ARHGEF4: variants seen among roughly 807,000 people sequenced by gnomAD.
ARHGEF4 encodes APC-stimulated guanine nucleotide exchange factor 1.
Under a neutral mutation model 162.0 loss-of-function variants are expected in ARHGEF4, and 119 were observed. That is an observed-to-expected ratio of 0.73 (90% CI 0.63 to 0.86). The LOEUF (loss-of-function observed/expected upper bound fraction) is 0.86. Among genes scored for constraint, ARHGEF4 ranks in the 40% least tolerant of loss-of-function variants. The pLI is 0.00. For missense variants in ARHGEF4, 2,488 were observed against 2,456.0 expected, an observed-to-expected ratio of 1.01 and a Z score of -0.28; for synonymous variants, 1,014 against 979.9, an observed-to-expected ratio of 1.03 and a Z score of -0.65.
At chr2:130,971,746 C>G (rs986254081) in intron 4 of ARHGEF4, among the ~76,000 whole-genome samples, 1 of 150,982 alleles carries the variant, frequency 6.6e-6, no homozygotes, top group Non-Finnish European at 1.5e-5. Flanking sequence ...ATCTGTAGAT[C>G]AGTTTTGGGA....
chr2:130,988,293 A>C (rs1370361934), intron 4 of ARHGEF4, among the ~76,000 whole-genome samples: 1 of 152,168 alleles, frequency 6.6e-6, no homozygotes, highest in East Asian at 1.9e-4. Context: ...TTGGAAGACC[A>C]GACTCACAGC....
intron 1 of ARHGEF4, among the ~76,000 whole-genome samples, chr2:130,907,972 T>A (rs113844163): frequency 0.072 from 10,957 of 151,290 alleles, 1,195 homozygotes; most frequent in African/African-American, 0.24. Flanking sequence ...AAAAAAAAAA[T>A]TTACATACTG....
At chr2:130,972,569 A>G (rs1312807350) in intron 4 of ARHGEF4, among the ~76,000 whole-genome samples, 1 of 152,220 alleles carries the variant, frequency 6.6e-6, no homozygotes, top group Non-Finnish European at 1.5e-5. Flanking sequence ...ACATAACATC[A>G]TCAGAAGCCT....
At position 131,038,949 on chromosome 2, in the gene ARHGEF4, G is replaced by T. The variant is rs747559584; in HGVS notation, c.4222G>T (p.Glu1408Ter). Residue 1408 changes from glutamate to a stop codon, truncating the protein, a stop_gained, in exon 6 of 14, where the codon GAA becomes TAA. Transcript: ENST00000409359. LOFTEE classifies it high-confidence loss of function. Reference sequence around the variant, plus strand: ...GGGCTTCAAAGCTGGGGACGTCATCGAAGTGATGGATGCCACCAACAGAGA... The same window carrying T: ...GGGCTTCAAAGCTGGGGACGTCATCTAAGTGATGGATGCCACCAACAGAGA... ...ELGFKAGDVI[E>*]VMDATNREWW... 6.2e-7 allele frequency: 1 copy of T among 1,613,746 alleles called. No individual in the cohort carries two copies. The highest frequency in any genetic ancestry group is 8.5e-7 in the Non-Finnish European group (1 of 1,180,006).
At chr2:130,945,373 T>G (rs1265177507) in intron 3 of ARHGEF4, among the ~76,000 whole-genome samples, 1 of 152,128 alleles carries the variant, frequency 6.6e-6, no homozygotes, top group Non-Finnish European at 1.5e-5. Context: ...TCCCATGCCC[T>G]TGGGACCACA....
At chr2:130,990,529 G>A (rs1010020031) in intron 4 of ARHGEF4, among the ~76,000 whole-genome samples, 4 of 151,982 alleles carry the variant, frequency 2.6e-5, no homozygotes, top group African/African-American at 9.7e-5. Flanking sequence ...AAAAACTCTT[G>A]CTATAAAACC....
Position 131,041,264 on chromosome 2 carries a change from A to G in ARHGEF4, c.4697A>G (p.Asn1566Ser), listed in dbSNP as rs1210823891. The change falls in exon 9 of 14, where the codon AAT (asparagine) becomes AGT (serine). Residue 1566 changes from asparagine to serine, a missense_variant. Physicochemically the swap from Asn to Ser is conservative, Grantham distance 46 (BLOSUM62 1). Around this residue, in one of 6 missense-constraint regions of ARHGEF4, gnomAD observed 415 missense variants for 512.4 expected, o/e 0.81. Transcript: ENST00000409359. Reference sequence around the variant, plus strand: ...TTCCAGATCTACTCGGAGTACTGCAATAACCACCCCAACGCCTGCGTGGAG... The same window carrying G: ...TTCCAGATCTACTCGGAGTACTGCAGTAACCACCCCAACGCCTGCGTGGAG... ...ADFQIYSEYC[N>S]NHPNACVELS... The G allele has an allele frequency of 1.2e-6, 2 of 1,613,908 alleles. No individual in the cohort carries two copies. The highest frequency in any genetic ancestry group is 1.3e-5 in the African/African-American group (1 of 75,050).
At chr2:131,040,858 C>T (rs1188160507) in intron 8 of ARHGEF4, among the ~76,000 whole-genome samples, 1 of 152,204 alleles carries the variant, frequency 6.6e-6, no homozygotes, top group African/African-American at 2.4e-5. Context: ...CTCCTAGCCT[C>T]ACCTGGTAGA....
At chr2:131,014,923 C>T (rs1441353854) in intron 4 of ARHGEF4, among the ~76,000 whole-genome samples, 3 of 152,160 alleles carry the variant, frequency 2.0e-5, no homozygotes, top group East Asian at 1.9e-4. Context: ...GTGTGGAGAG[C>T]GATGGGCACT....
chr2:131,026,887 T>G (rs958282107), intron 4 of ARHGEF4, among the ~76,000 whole-genome samples: 1 of 152,212 alleles, frequency 6.6e-6, no homozygotes, highest in African/African-American at 2.4e-5. Flanking sequence ...CCAGGGGTGG[T>G]GATTTTCCCC....
chr2:131,030,801 G>A (rs951697359), intron 5 of ARHGEF4, among the ~76,000 whole-genome samples: 2 of 152,234 alleles, frequency 1.3e-5, no homozygotes, highest in Non-Finnish European at 2.9e-5. Flanking sequence ...ACTGTGCCTA[G>A]CTTGCACTGC....
chr2:130,978,308 C>T (rs1685887616), intron 4 of ARHGEF4, among the ~76,000 whole-genome samples: 1 of 152,118 alleles, frequency 6.6e-6, no homozygotes, highest in East Asian at 1.9e-4. Flanking sequence ...CATGTAGCCA[C>T]CCAGGAATCG....
Position 131,040,190 on chromosome 2 carries a change from G to A in ARHGEF4, c.4480G>A (p.Glu1494Lys). 3 of 1,610,082 alleles carry A rather than the reference G, an allele frequency of 1.9e-6. No homozygotes were observed. The highest frequency in any genetic ancestry group is 2.2e-5 in the South Asian group (2 of 90,850). ...CATCAAGCACCTGCGCGACATCTGC[G>A]AGGTGAGGCCCGGCCGGCGGGCGGT... is the stretch of plus-strand genomic sequence containing the variant. Reference protein sequence around the residue: ...DYIKHLRDICEGYVRQCRKRA... With the variant: ...DYIKHLRDICKGYVRQCRKRA... The change falls in exon 7 of 14, where the codon GAG becomes AAG. Residue 1494 changes from glutamate (E) to lysine (K), a missense_variant and splice_region_variant. This residue lies in a region of ARHGEF4 where 415 missense variants were observed against 512.4 expected (regional missense o/e 0.81). Transcript: ENST00000409359.
chr2:130,956,142 C>T (rs1684256794), intron 4 of ARHGEF4, among the ~76,000 whole-genome samples: 1 of 152,190 alleles, frequency 6.6e-6, no homozygotes, highest in East Asian at 1.9e-4. Flanking sequence ...TCTGCCCCTA[C>T]TGGGGGGTAC....
chr2:130,906,487 C>T (rs1363993704), intron 1 of ARHGEF4, among the ~76,000 whole-genome samples: 1 of 152,224 alleles, frequency 6.6e-6, no homozygotes, highest in Non-Finnish European at 1.5e-5. Flanking sequence ...ATATCTCCAA[C>T]TCCAACCCAG....
intron 1 of ARHGEF4, among the ~76,000 whole-genome samples, chr2:130,840,468 T>G (rs1030317465): frequency 6.6e-6 from 1 of 152,142 alleles, no homozygotes; most frequent in African/African-American, 2.4e-5. Context: ...TTTCTCAGTC[T>G]CCAGGGATGA....
chr2:130,933,249 T>A (rs1279148914), intron 3 of ARHGEF4, among the ~76,000 whole-genome samples: 2 of 151,700 alleles, frequency 1.3e-5, no homozygotes, highest in Non-Finnish European at 2.9e-5. Context: ...ACCTTAGATG[T>A]GTGGGTGTAT....
intron 4 of ARHGEF4, among the ~76,000 whole-genome samples, chr2:131,009,971 T>G (rs961010876): frequency 6.6e-6 from 1 of 152,234 alleles, no homozygotes; most frequent in Non-Finnish European, 1.5e-5. Flanking sequence ...TTTTGTTTTG[T>G]TTTGTTTTTT....
intron 4 of ARHGEF4, among the ~76,000 whole-genome samples, chr2:130,958,015 CAAAAA>C (rs34565820): frequency 7.2e-6 from 1 of 138,724 alleles, no homozygotes. Flanking sequence ...TTAAAAGGAA[CAAAAA>C]AAAAAAAGAA....
Sources: allele counts gnomAD v4.1 joint callset (sites outside exome capture counted in the v4.1 genomes callset), GRCh38; gene constraint gnomAD v4.1.1; regional missense constraint gnomAD v4.1.1; transcripts MANE v1.5; gene names NCBI Gene and HGNC (gene_info 2026-07-23, HGNC 2026-07-21).